IL1RAPL1: variants seen among roughly 807,000 people sequenced by gnomAD.
IL1RAPL1 encodes interleukin 1 receptor accessory protein like 1.
IL1RAPL1 carries 3 observed loss-of-function variants against 48.4 expected under a neutral mutation model. That is an observed-to-expected ratio of 0.06 (90% CI 0.03 to 0.16). The LOEUF (loss-of-function observed/expected upper bound fraction) is 0.16. Among genes scored for constraint, IL1RAPL1 ranks in the 10% least tolerant of loss-of-function variants. The pLI, the probability that IL1RAPL1 is intolerant of heterozygous loss-of-function variation, is 1.00. For synonymous variants in IL1RAPL1, 185 were observed against 187.7 expected, an observed-to-expected ratio of 0.99 and a Z score of 0.12; for missense variants, 349 against 530.6, an observed-to-expected ratio of 0.66 and a Z score of 3.36.
intron 2 of IL1RAPL1, among the ~76,000 whole-genome samples, chrX:29,025,804 G>A (rs1033100907): frequency 2.7e-5 from 3 of 111,490 alleles, no homozygotes; most frequent in East Asian, 2.8e-4. Context: ...TTATTGGCAG[G>A]TTATTCTAAA....
At chrX:29,774,241 C>T (rs1376769148) in intron 6 of IL1RAPL1, among the ~76,000 whole-genome samples, 1 of 109,310 alleles carries the variant, frequency 9.1e-6, no homozygotes, top group East Asian at 2.9e-4. Flanking sequence ...GATTTTATCC[C>T]AGAAAGAAGT....
At chrX:29,410,061 A>G (rs1934122963) in intron 5 of IL1RAPL1, among the ~76,000 whole-genome samples, 1 of 110,523 alleles carries the variant, frequency 9.0e-6, no homozygotes, top group Admixed American at 9.6e-5. Flanking sequence ...ACCTCAGGTG[A>G]TCCACCCGCC....
intron 2 of IL1RAPL1, among the ~76,000 whole-genome samples, chrX:29,241,636 C>A (rs73631642): frequency 9.0e-6 from 1 of 111,429 alleles, no homozygotes; most frequent in Non-Finnish European, 1.9e-5. Flanking sequence ...CTTACTCAAT[C>A]GCTGAGAGCT....
chrX:29,776,185 G>A (rs995833526), intron 6 of IL1RAPL1, among the ~76,000 whole-genome samples: 3 of 111,368 alleles, frequency 2.7e-5, no homozygotes, highest in Non-Finnish European at 3.8e-5. Context: ...AGCTTTACAT[G>A]TTCTCTTGAT....
intron 3 of IL1RAPL1, among the ~76,000 whole-genome samples, chrX:29,338,245 A>G (rs1349881689): frequency 9.0e-6 from 1 of 111,082 alleles, no homozygotes; most frequent in Non-Finnish European, 1.9e-5. Context: ...TTTCAGTATT[A>G]TATGGGAAAT....
intron 2 of IL1RAPL1, among the ~76,000 whole-genome samples, chrX:28,860,463 CT>C (rs760928051): frequency 4.4e-3 from 439 of 99,018 alleles, no homozygotes; most frequent in Non-Finnish European, 6.1e-3. Flanking sequence ...ATTTTCTTTT[CT>C]TTTTTTTTTT....
chrX:29,480,778 C>A (rs1285957934), intron 5 of IL1RAPL1, among the ~76,000 whole-genome samples: 1 of 110,757 alleles, frequency 9.0e-6, no homozygotes, highest in Non-Finnish European at 1.9e-5. Context: ...GTCTGTTTTA[C>A]AAGCTGATTT....
At chrX:28,745,797 A>G (rs990458494) in intron 1 of IL1RAPL1, among the ~76,000 whole-genome samples, 4 of 111,801 alleles carry the variant, frequency 3.6e-5, no homozygotes, top group Admixed American at 2.9e-4. Context: ...GATGTGATAT[A>G]TATTTTAAAA....
intron 2 of IL1RAPL1, among the ~76,000 whole-genome samples, chrX:28,859,924 A>C (rs1921899811): frequency 9.0e-6 from 1 of 111,074 alleles, no homozygotes; most frequent in Non-Finnish European, 1.9e-5. Flanking sequence ...TTATTGTTAT[A>C]ATATAAATTT....
At chrX:29,940,812 CCTT>C (rs1218639244) in intron 8 of IL1RAPL1, among the ~76,000 whole-genome samples, 2 of 112,019 alleles carry the variant, frequency 1.8e-5, no homozygotes, top group Non-Finnish European at 3.8e-5. Flanking sequence ...CAAGAAAATT[CCTT>C]TTTTGGATAG....
rs769762842 is a variant in IL1RAPL1, at chrX:29,837,075, C to T, written c.779-80389C>T. 5.0e-4 allele frequency among the ~76,000 whole-genome samples: 53 copies of T among 107,001 alleles called. 1 individual carries two copies. Among genetic ancestry groups the T allele is most frequent in the Non-Finnish European group, 2.7e-4 (14 of 52,049 alleles). The allele number at this position is 107,001 out of a possible 115,157, so 92.9% of individuals were successfully genotyped here. ...GAGATGGAGACCATCCTGGCTAACA[C>T]GGTGAAACCCCATCTCTACTAAAAA... On this transcript the variant is annotated intron_variant, in intron 6 of 10. Transcript: ENST00000378993.
chrX:28,840,708 C>G (rs1921348296), intron 2 of IL1RAPL1, among the ~76,000 whole-genome samples: 2 of 110,443 alleles, frequency 1.8e-5, no homozygotes, highest in Admixed American at 9.7e-5. Flanking sequence ...GATGGTTGGA[C>G]TTTATCTCTT....
intron 6 of IL1RAPL1, among the ~76,000 whole-genome samples, chrX:29,802,574 A>G (rs1239688921): frequency 1.1e-5 from 1 of 91,677 alleles, no homozygotes; most frequent in Non-Finnish European, 2.2e-5. Flanking sequence ...TTGCTGTGAA[A>G]TTTACTAAAT....
chrX:29,030,571 T>C (rs750911506), intron 2 of IL1RAPL1, among the ~76,000 whole-genome samples: 223 of 111,675 alleles, frequency 2.0e-3, no homozygotes, highest in Non-Finnish European at 3.5e-3. Flanking sequence ...GTGATACTAG[T>C]TTTTTGGCAA....
chrX:29,617,599 A>G (rs1481289242), intron 5 of IL1RAPL1, among the ~76,000 whole-genome samples: 2 of 112,042 alleles, frequency 1.8e-5, no homozygotes, highest in African/African-American at 6.5e-5. Flanking sequence ...AAAGCCGGCA[A>G]CGAAAGAAAC....
chrX:29,885,509 T>C (rs1191282747), intron 6 of IL1RAPL1, among the ~76,000 whole-genome samples: 5 of 111,408 alleles, frequency 4.5e-5, no homozygotes, highest in Admixed American at 9.6e-5. Flanking sequence ...ACATCAGAAC[T>C]ATTAAAAGCA....
intron 2 of IL1RAPL1, among the ~76,000 whole-genome samples, chrX:28,963,353 G>GC: frequency 9.0e-6 from 1 of 110,925 alleles, no homozygotes; most frequent in South Asian, 3.7e-4. Flanking sequence ...CCTTAATAAA[G>GC]ATGATCTCTA....
At chrX:28,744,158 C>T (rs764630961) in intron 1 of IL1RAPL1, among the ~76,000 whole-genome samples, 7 of 110,873 alleles carry the variant, frequency 6.3e-5, no homozygotes, top group East Asian at 2.8e-4. Flanking sequence ...ATATCTTATA[C>T]GCATATCTAT....
intron 2 of IL1RAPL1, among the ~76,000 whole-genome samples, chrX:28,855,010 T>C (rs1385753613): frequency 1.9e-5 from 2 of 107,160 alleles, no homozygotes; most frequent in East Asian, 5.8e-4. Context: ...GCACAGCATC[T>C]TTTTTGTTTG....
Sources: gnomAD v4.1 joint callset for allele counts (sites outside exome capture counted in the v4.1 genomes callset) on GRCh38, gnomAD v4.1.1 for gene constraint, MANE v1.5 for transcripts, NCBI Gene and HGNC (gene_info 2026-07-23, HGNC 2026-07-21) for gene names.